Variants in SLC12A3 observed in about 807,000 individuals in gnomAD.
SLC12A3 encodes Na-Cl cotransporter.
In SLC12A3, 104 loss-of-function variants were observed where a neutral mutation model predicts 121.0. The ratio of observed to expected loss-of-function variants is 0.86; its 90% CI spans 0.73 to 1.01. The LOEUF (loss-of-function observed/expected upper bound fraction) is 1.01, where lower values mean the gene tolerates loss of function less well. SLC12A3 is among the 50% of genes least tolerant of loss of function. The probability of loss-of-function intolerance (pLI) is 0.00; values close to 1 mark genes in which losing one functional copy is unlikely to be tolerated. For missense variants in SLC12A3, 1,328 were observed against 1,356.3 expected, an observed-to-expected ratio of 0.98 and a Z score of 0.33; for synonymous variants, 536 against 533.4, an observed-to-expected ratio of 1.00 and a Z score of -0.07.
chr16:56,903,617 ACCCACGTTAACTCCCTTC>A (rs2055568295), intron 24 of SLC12A3, among the ~76,000 whole-genome samples: 1 of 152,164 alleles, frequency 6.6e-6, no homozygotes, highest in African/African-American at 2.4e-5. Flanking sequence ...AGAATCCCTT[ACCCACGTTAACTCCCTTC>A]CCCTCGGTCT....
At position 56,878,992 on chromosome 16, in the gene SLC12A3, G is replaced by A. The variant is rs72786758; in HGVS notation, c.1181-81G>A. The A allele has an allele frequency of 1.9e-3, 2,924 of 1,510,484 alleles. 6 individuals carry two copies. The highest frequency in any genetic ancestry group is 2.4e-3 in the Non-Finnish European group (2,640 of 1,111,542). The allele number at this position is 1,510,484 out of a possible 1,614,324, so 93.6% of individuals were successfully genotyped here. A position where few individuals can be genotyped will look rare whatever the true frequency, so the allele number is the denominator to read the frequency against. ...AGCTGCCCATCATCTGCAGCACCTC[G>A]CCCTCTGCAGAGGTGGGGCTGGAAG... is the stretch of plus-strand genomic sequence containing the variant. On this transcript the variant is annotated intron_variant, in intron 9 of 25. Transcript: ENST00000563236.
At chr16:56,891,714 G>T (rs1172636210) in intron 19 of SLC12A3, among the ~76,000 whole-genome samples, 3 of 152,240 alleles carry the variant, frequency 2.0e-5, no homozygotes, top group Non-Finnish European at 4.4e-5. Flanking sequence ...CAGATTGTGA[G>T]AGTGTCTGGA....
intron 25 of SLC12A3, among the ~76,000 whole-genome samples, chr16:56,911,619 C>T (rs1346607530): frequency 1.3e-5 from 2 of 152,208 alleles, no homozygotes; most frequent in African/African-American, 4.8e-5. Context: ...CCATGCCTGG[C>T]CCGGGACATT....
chr16:56,890,178 G>T, intron 18 of SLC12A3, 96 bp from the exon 19 acceptor site: 1 of 896,130 alleles, frequency 1.1e-6, no homozygotes, highest in Non-Finnish European at 1.9e-6. Context: ...GTGGTAGGAA[G>T]CAGAGCCAAC....
intron 14 of SLC12A3, among the ~76,000 whole-genome samples, chr16:56,884,499 T>C (rs1211534091): frequency 6.6e-6 from 1 of 152,096 alleles, no homozygotes; most frequent in Non-Finnish European, 1.5e-5. Context: ...CCTAGGGCTG[T>C]CCCCCAAGAG....
At chr16:56,882,292 T>C (rs1692126232) in intron 12 of SLC12A3, 104 bp from the exon 13 acceptor site, 1 of 865,024 alleles carries the variant, frequency 1.2e-6, no homozygotes, top group South Asian at 1.3e-5. Context: ...TGACTGAGCC[T>C]TGGTGGCCTG....
chr16:56,877,727 C>T (rs528686023), intron 8 of SLC12A3, among the ~76,000 whole-genome samples: 1 of 152,382 alleles, frequency 6.6e-6, no homozygotes, highest in Non-Finnish European at 1.5e-5. Flanking sequence ...ACCCTGCCCC[C>T]ACCCTTACCA....
intron 8 of SLC12A3, 21 bp from the exon 9 acceptor site, chr16:56,878,056 C>G: frequency 9.8e-7 from 1 of 1,022,048 alleles, no homozygotes. Context: ...CCCTCCCTCC[C>G]TCTCTCCCTC....
intron 21 of SLC12A3, among the ~76,000 whole-genome samples, chr16:56,893,732 G>A (rs2055421601): frequency 6.6e-6 from 1 of 152,136 alleles, no homozygotes; most frequent in Non-Finnish European, 1.5e-5. Flanking sequence ...AACTGCCAAT[G>A]ACCTCGATTT....
At chr16:56,878,250 G>A in intron 9 of SLC12A3, 89 bp downstream of exon 9, 1 of 1,033,636 alleles carries the variant, frequency 9.7e-7, no homozygotes, top group East Asian at 2.4e-5. Context: ...GAGGGGATCA[G>A]AGGGTGGGGT....
In SLC12A3 at chr16:56,870,706, C is replaced by CT. The variant is rs2055082500; in HGVS notation, c.823dup (p.Ser275PhefsTer36). On this transcript the variant is annotated frameshift_variant, in exon 6 of 26. Transcript: ENST00000563236. LOFTEE classifies it high-confidence loss of function. ...TCTCGGTCACTGTGCTGCTGGCCAT[C>CT]TCCCTGGCTGGCATGGAGTGGGAGT... The CT allele has an allele frequency of 1.2e-6, 2 of 1,613,150 alleles. No individual in the cohort carries two copies. Among genetic ancestry groups the CT allele is most frequent in the African/African-American group, 2.7e-5 (2 of 74,912 alleles).
chr16:56,909,795 GAAAAA>G (rs55674033), intron 25 of SLC12A3, among the ~76,000 whole-genome samples: 1 of 148,162 alleles, frequency 6.7e-6, no homozygotes, highest in South Asian at 2.1e-4. Context: ...CTGAGGAAGG[GAAAAA>G]AAAAAAATCT....
At chr16:56,907,309 T>A (rs1300468465) in intron 25 of SLC12A3, among the ~76,000 whole-genome samples, 2 of 152,012 alleles carry the variant, frequency 1.3e-5, no homozygotes, top group Non-Finnish European at 2.9e-5. Context: ...TACAAAAAAA[T>A]TAGCCAGGCT....
chr16:56,899,379 C>A, intron 22 of SLC12A3, 151 bp from the exon 23 acceptor site: 2 of 677,838 alleles, frequency 3.0e-6, no homozygotes, highest in South Asian at 1.5e-5. Flanking sequence ...ATCCCAACTA[C>A]TCGGGAGGCT....
intron 23 of SLC12A3, among the ~76,000 whole-genome samples, chr16:56,901,076 C>T (rs1397147604): frequency 6.6e-6 from 1 of 152,156 alleles, no homozygotes; most frequent in Non-Finnish European, 1.5e-5. Context: ...TACCTTTCAG[C>T]TGCACTTGAC....
chr16:56,870,158 A>G lies in SLC12A3; in HGVS notation c.664A>G (p.Ile222Val), dbSNP rs374222420. 1.9e-6 allele frequency: 3 copies of G among 1,613,792 alleles called. No individual in the cohort carries two copies. The highest frequency in any genetic ancestry group is 2.5e-6 in the Non-Finnish European group (3 of 1,180,020). Reference protein sequence around the residue: ...GPELGGSIGLIFAFANAVGVA... With the variant: ...GPELGGSIGLVFAFANAVGVA... ...AGAGCTTGGGGGCTCCATCGGCCTC[A>G]TTTTCGCTTTCGCCAATGCCGTGGG... Residue 222 changes from isoleucine (I) to valine (V), a missense_variant, in exon 5 of 26, where the codon ATT becomes GTT. Physicochemically the swap from Ile to Val is conservative, Grantham distance 29. Coordinates refer to ENST00000563236, the MANE Select transcript of SLC12A3 (RefSeq NM_001126108.2).
Position 56,865,327 on chromosome 16 carries a change from C to A in SLC12A3, c.92C>A (p.Pro31His), listed in dbSNP as rs750850762. ...AGCACACTGCTGAGCAGTGATGAGC[C>A]CTCTCCACCAGCTGCCTATGACAGC... ...TISTLLSSDE[P>H]SPPAAYDSSH... Residue 31 changes from proline (P) to histidine (H), a missense_variant, in exon 1 of 26, where the codon CCC becomes CAC. By Grantham distance (77) the Pro-to-His change is moderately conservative. Transcript: ENST00000563236. 1 of 1,614,038 alleles carries A rather than the reference C, an allele frequency of 6.2e-7. No individual in the cohort carries two copies. The highest frequency in any genetic ancestry group is 1.1e-5 in the South Asian group (1 of 91,086).
intron 25 of SLC12A3, among the ~76,000 whole-genome samples, chr16:56,905,740 A>T (rs981611105): frequency 6.6e-6 from 1 of 152,068 alleles, no homozygotes; most frequent in African/African-American, 2.4e-5. Flanking sequence ...CTCACATAGG[A>T]TGTATGGAAT....
chr16:56,873,374 C>CTTTTTTTTTTTTTTTTT (rs59478629), intron 8 of SLC12A3, among the ~76,000 whole-genome samples: 2 of 75,372 alleles, frequency 2.7e-5, no homozygotes, highest in Non-Finnish European at 4.9e-5. Flanking sequence ...CTCTTTCTTT[C>CTTTTTTTTTTTTTTTTT]TTTTTTTTTT....
Sources: allele counts gnomAD v4.1 joint callset (sites outside exome capture counted in the v4.1 genomes callset), GRCh38; gene constraint gnomAD v4.1.1; transcripts MANE v1.5; gene names NCBI Gene and HGNC (gene_info 2026-07-23, HGNC 2026-07-21).